Variants in CUL1 observed in about 807,000 individuals in gnomAD.
CUL1 encodes the protein cullin-1.
CUL1 carries 24 observed loss-of-function variants against 118.0 expected under a neutral mutation model. That is an observed-to-expected ratio of 0.20 (90% CI 0.15 to 0.29). The LOEUF is 0.29. CUL1 is among the 10% of genes least tolerant of loss of function. CUL1 has a pLI of 1.00. For synonymous variants in CUL1, 332 were observed against 340.4 expected (o/e 0.98, Z 0.27); for missense variants, 361 against 933.8 (o/e 0.39, Z 7.99).
At chr7:148,700,732 C>G (rs998432942) in intron 1 of CUL1, among the ~76,000 whole-genome samples, 3 of 152,132 alleles carry the variant, frequency 2.0e-5, no homozygotes, top group Non-Finnish European at 4.4e-5. Context: ...GAATTGCTTT[C>G]TAAATATGTT....
intron 14 of CUL1, among the ~76,000 whole-genome samples, chr7:148,789,487 C>A (rs1021162358): frequency 6.6e-6 from 1 of 152,054 alleles, no homozygotes; most frequent in Non-Finnish European, 1.5e-5. Context: ...GCAGGGCAGG[C>A]GTGTGACAGC....
At chr7:148,769,397 TCACACACACACACACACACACA>T (rs55858322) in intron 9 of CUL1, among the ~76,000 whole-genome samples, 42 of 129,104 alleles carry the variant, frequency 3.3e-4, no homozygotes, top group Admixed American at 1.0e-3. Context: ...AGGGCCTGAT[TCACACACACACACACACACACA>T]CACACACACA....
At chr7:148,704,399 G>C (rs971418405) in intron 1 of CUL1, among the ~76,000 whole-genome samples, 27 of 151,952 alleles carry the variant, frequency 1.8e-4, no homozygotes, top group Admixed American at 1.8e-3. Context: ...TTTTTTGAGA[G>C]CAAAGTACGT....
At chr7:148,744,668 G>C (rs1489316069) in intron 2 of CUL1, among the ~76,000 whole-genome samples, 1 of 152,056 alleles carries the variant, frequency 6.6e-6, no homozygotes, top group African/African-American at 2.4e-5. Context: ...GTATTTTAAA[G>C]AATTAAGAAA....
chr7:148,794,103 T>C (rs1004967367), intron 17 of CUL1, among the ~76,000 whole-genome samples: 6 of 152,170 alleles, frequency 3.9e-5, no homozygotes, highest in African/African-American at 1.4e-4. Flanking sequence ...ATTTGTCTTT[T>C]TGTTGTTGAG....
intron 3 of CUL1, among the ~76,000 whole-genome samples, chr7:148,755,490 T>C (rs1799625989): frequency 1.3e-5 from 2 of 152,272 alleles, no homozygotes; most frequent in African/African-American, 2.4e-5. Context: ...CTGTATGTAG[T>C]TGGCTGGCCA....
chr7:148,778,806 T>G (rs965953458), intron 9 of CUL1, among the ~76,000 whole-genome samples: 5 of 152,222 alleles, frequency 3.3e-5, no homozygotes, highest in African/African-American at 1.2e-4. Context: ...AGAGGTAGTG[T>G]AGGCAAGAGC....
At chr7:148,720,784 G>T (rs1014879422) in intron 1 of CUL1, among the ~76,000 whole-genome samples, 1 of 152,190 alleles carries the variant, frequency 6.6e-6, no homozygotes, top group African/African-American at 2.4e-5. Context: ...TGGAGTTGTC[G>T]TCGAGGGTTG....
intron 1 of CUL1, among the ~76,000 whole-genome samples, chr7:148,725,216 C>CGT (rs1798529509): frequency 8.1e-6 from 1 of 123,178 alleles, no homozygotes; most frequent in East Asian, 2.2e-4. Flanking sequence ...CACACACGCG[C>CGT]GCGCTCACAC....
intron 1 of CUL1, among the ~76,000 whole-genome samples, chr7:148,711,269 C>T (rs1458784018): frequency 6.6e-6 from 1 of 152,154 alleles, no homozygotes; most frequent in African/African-American, 2.4e-5. Context: ...GTTGTAATAG[C>T]TAGTAAGGAA....
At chr7:148,739,749 G>A (rs1278470642) in intron 2 of CUL1, among the ~76,000 whole-genome samples, 4 of 152,052 alleles carry the variant, frequency 2.6e-5, no homozygotes, top group Non-Finnish European at 5.9e-5. Flanking sequence ...TAATTTATTG[G>A]TTTTATTTTA....
At chr7:148,719,666 A>G (rs1479211482) in intron 1 of CUL1, among the ~76,000 whole-genome samples, 1 of 152,262 alleles carries the variant, frequency 6.6e-6, no homozygotes, top group African/African-American at 2.4e-5. Flanking sequence ...TTCAAATAGT[A>G]ACCAGCGAAG....
rs145689461 is a variant in CUL1, at chr7:148,706,178, C to T, written c.-162+7149C>T. ...TCCCCGTTTAGATTTGGATCCCATC[C>T]GCAAGATACCTCAAATATTCCAAAA... On this transcript the variant is annotated intron_variant, in intron 1 of 21. Transcript: ENST00000325222. Among the ~76,000 whole-genome samples the T allele has an allele frequency of 4.0e-3, 609 of 152,244 alleles. 1 individual carries two copies. The highest frequency in any genetic ancestry group is 0.017 in the Middle Eastern group (5 of 294).
chr7:148,781,079 A>ATTTTTTTTTTTTTTTTTTTTTTT (rs1197920664), intron 9 of CUL1, among the ~76,000 whole-genome samples: 1 of 93,732 alleles, frequency 1.1e-5, no homozygotes, highest in Admixed American at 1.5e-4. Flanking sequence ...TCAAGGCCAG[A>ATTTTTTTTTTTTTTTTTTTTTTT]TTTTTTTTTT....
At chr7:148,768,378 CTT>C (rs10595637) in intron 9 of CUL1, among the ~76,000 whole-genome samples, 65 of 94,852 alleles carry the variant, frequency 6.9e-4, no homozygotes, top group Middle Eastern at 5.2e-3. Flanking sequence ...AAGAAAAGCT[CTT>C]TTTTTTTTTT....
chr7:148,707,796 A>C (rs544786391), intron 1 of CUL1, among the ~76,000 whole-genome samples: 1 of 152,216 alleles, frequency 6.6e-6, no homozygotes, highest in Non-Finnish European at 1.5e-5. Flanking sequence ...AAAGCATCTC[A>C]ATACTTCTCT....
chr7:148,709,861 T>C (rs1029563752), intron 1 of CUL1, among the ~76,000 whole-genome samples: 6 of 152,090 alleles, frequency 3.9e-5, no homozygotes, highest in Non-Finnish European at 7.4e-5. Context: ...GGTGGCCGGA[T>C]TGCTTGAGCT....
chr7:148,771,120 C>A (rs757012227), intron 9 of CUL1, among the ~76,000 whole-genome samples: 2 of 152,002 alleles, frequency 1.3e-5, no homozygotes, highest in African/African-American at 4.8e-5. Flanking sequence ...ATATCAGTCC[C>A]GTGTCTTTCT....
chr7:148,737,090 C>T (rs1798968493), intron 2 of CUL1, among the ~76,000 whole-genome samples: 1 of 152,098 alleles, frequency 6.6e-6, no homozygotes, highest in Non-Finnish European at 1.5e-5. Context: ...TTACTACTGA[C>T]CTGGTACTAT....
Sources: gnomAD v4.1 joint callset for allele counts (sites outside exome capture counted in the v4.1 genomes callset) on GRCh38, gnomAD v4.1.1 for gene constraint, MANE v1.5 for transcripts, NCBI Gene and HGNC (gene_info 2026-07-23, HGNC 2026-07-21) for gene names.